DNAJC10: variants seen among roughly 807,000 people sequenced by gnomAD.
DNAJC10 encodes endoplasmic reticulum disulfide reductase DNAJC10.
Under a neutral mutation model 115.0 loss-of-function variants are expected in DNAJC10, and 101 were observed. The observed-to-expected ratio is 0.88, with a 90% CI of 0.75 to 1.04. The LOEUF (loss-of-function observed/expected upper bound fraction) is 1.04, where lower values mean the gene tolerates loss of function less well. Ranked by LOEUF, DNAJC10 falls within the 50% of genes least tolerant of loss-of-function variation. DNAJC10 has a pLI of 0.00. For synonymous variants in DNAJC10, 307 were observed against 301.5 expected (o/e 1.02, Z -0.19); for missense variants, 981 against 928.8 (o/e 1.06, Z -0.73).
At chr2:182,741,417 T>G (rs994395401) in intron 13 of DNAJC10, 61 bp downstream of exon 13, 1 of 743,468 alleles carries the variant, frequency 1.3e-6, no homozygotes, top group Admixed American at 3.6e-5. Context: ...ATTTAATGCA[T>G]ATAATTAAAT....
chr2:182,731,128 T>A lies in DNAJC10; in HGVS notation c.805+21T>A, dbSNP rs201330404. The A allele has an allele frequency of 2.1e-4, 333 of 1,573,396 alleles. 2 individuals are homozygous for A. In the African/African-American group the frequency reaches 4.1e-3, roughly 20 times the overall value. On this transcript the variant is annotated intron_variant, in intron 9 of 23. Coordinates refer to ENST00000264065, the MANE Select transcript of DNAJC10 (RefSeq NM_018981.4). ...AGGAGGTAATACTATTTTTTAATTT[T>A]GTTGGAATGAGAACATGACATTTAA...
At chr2:182,720,360 T>C (rs1406941942) in intron 4 of DNAJC10, among the ~76,000 whole-genome samples, 191 bp downstream of exon 4, 2 of 152,184 alleles carry the variant, frequency 1.3e-5, no homozygotes, top group Admixed American at 1.3e-4. Context: ...TATGAAGTTG[T>C]ATTGGTTAAA....
chr2:182,735,558 T>TA (rs1291673619), intron 10 of DNAJC10, among the ~76,000 whole-genome samples: 1 of 152,096 alleles, frequency 6.6e-6, no homozygotes, highest in Admixed American at 6.5e-5. Flanking sequence ...CACTGTAGGT[T>TA]AATATCTTTC....
chr2:182,754,657 T>A (rs965596673), intron 16 of DNAJC10: 1 of 565,666 alleles, frequency 1.8e-6, no homozygotes, highest in Non-Finnish European at 2.3e-6. Context: ...AGACTCAAGC[T>A]AGAGATATAG....
At chr2:182,740,217 C>T (rs1309548737) in intron 11 of DNAJC10, 82 bp from the exon 12 acceptor site, 3 of 1,186,044 alleles carry the variant, frequency 2.5e-6, no homozygotes, top group Non-Finnish European at 3.3e-6. Context: ...AAAAATACTA[C>T]ATTGGAAATT....
chr2:182,718,376 G>T, intron 3 of DNAJC10, 86 bp downstream of exon 3: 2 of 1,076,736 alleles, frequency 1.9e-6, no homozygotes, highest in Non-Finnish European at 2.6e-6. Context: ...ATGATCAAAT[G>T]CTTAAGAATA....
At chr2:182,732,429 A>G (rs1693474423) in intron 9 of DNAJC10, 70 bp from the exon 10 acceptor site, 1 of 1,447,250 alleles carries the variant, frequency 6.9e-7, no homozygotes, top group Non-Finnish European at 9.7e-7. Flanking sequence ...TTTGGGGGAA[A>G]GGCAAATGCA....
intron 22 of DNAJC10, among the ~76,000 whole-genome samples, chr2:182,765,527 C>T (rs1432266530): frequency 6.6e-6 from 1 of 152,160 alleles, no homozygotes; most frequent in Non-Finnish European, 1.5e-5. Context: ...CAGTTACCAC[C>T]AGATACTTAA....
At chr2:182,730,662 G>C (rs949628255) in intron 8 of DNAJC10, 1 of 384,908 alleles carries the variant, frequency 2.6e-6, no homozygotes, top group Non-Finnish European at 5.1e-6. Flanking sequence ...GGAGATCACT[G>C]TGTATTTGGG....
intron 22 of DNAJC10, among the ~76,000 whole-genome samples, chr2:182,769,572 A>T (rs896150135): frequency 6.6e-6 from 1 of 152,130 alleles, no homozygotes; most frequent in Non-Finnish European, 1.5e-5. Flanking sequence ...TTCTTTGATG[A>T]CCAGTGATGA....
intron 23 of DNAJC10, among the ~76,000 whole-genome samples, chr2:182,776,535 A>G (rs1435160739): frequency 6.6e-6 from 1 of 152,226 alleles, no homozygotes; most frequent in Non-Finnish European, 1.5e-5. Context: ...AGGACAAAAT[A>G]GCTCAGCCTC....
rs1404209980 is a variant in DNAJC10 at position 182,783,937 on chromosome 2, TTAAC to T, written c.*6809_*6812del. The T allele has an allele frequency of 1.3e-5, 2 of 152,296 alleles. No homozygotes were observed. Among genetic ancestry groups the T allele is most frequent in the Non-Finnish European group, 2.9e-5 (2 of 68,034 alleles). 9.4% of individuals were successfully genotyped at this position (152,296 alleles called of 1,614,324 possible). ...ACTTTGGAAAGTTAATTTGTATTAA[TTAAC>T]TAATATAAATTAATCCTATCAAGTT... On this transcript the variant is annotated 3_prime_UTR_variant, in exon 24 of 24. Transcript: ENST00000264065.
At chr2:182,743,808 C>A in intron 14 of DNAJC10, 96 bp downstream of exon 14, 1 of 798,616 alleles carries the variant, frequency 1.3e-6, no homozygotes. Context: ...TACGGACATG[C>A]TTATTGTAAA....
At position 182,762,697 on chromosome 2, in the gene DNAJC10, G is replaced by A. The variant is rs1367977631; in HGVS notation, c.2161G>A (p.Val721Met). 1 of 1,612,368 alleles carries A rather than the reference G, an allele frequency of 6.2e-7. No individual in the cohort carries two copies. The highest frequency in any genetic ancestry group is 1.3e-5 in the African/African-American group (1 of 74,954). ...TCTTTTTCAGATGATTAAAGGAAAA[G>A]TGAAAGCTGGAAAAGTAGACTGTCA... ...ELLARMIKGKVKAGKVDCQAY... is the reference protein window; with the variant it reads ...ELLARMIKGKMKAGKVDCQAY... The change falls in exon 22 of 24, where the codon GTG becomes ATG. Residue 721 changes from valine to methionine, a missense_variant. Physicochemically the swap from Val to Met is conservative, Grantham distance 21. Transcript: ENST00000264065.
chr2:182,745,154 GT>G (rs1693829336), intron 14 of DNAJC10, among the ~76,000 whole-genome samples: 1 of 152,178 alleles, frequency 6.6e-6, no homozygotes, highest in African/African-American at 2.4e-5. Context: ...AATCTCATCT[GT>G]TTTGCTCACT....
intron 14 of DNAJC10, 96 bp from the exon 15 acceptor site, chr2:182,751,562 A>G: frequency 1.5e-6 from 2 of 1,363,758 alleles, no homozygotes; most frequent in Non-Finnish European, 2.0e-6. Context: ...TTCATAATTT[A>G]TCTTCTTTAG....
Position 182,720,068 on chromosome 2 carries a change from A to G in DNAJC10, c.266A>G (p.Asp89Gly). 1.2e-6 allele frequency: 2 copies of G among 1,606,372 alleles called. No individual in the cohort carries two copies. The highest frequency in any genetic ancestry group is 1.7e-6 in the Non-Finnish European group (2 of 1,173,270). Reference protein sequence around the residue: ...KINRAYEVLKDEDLRKKYDKY... With the variant: ...KINRAYEVLKGEDLRKKYDKY... ...AATAGAGCATATGAAGTACTCAAAG[A>G]TGAAGATCTACGGAAAAAGTATGAC... The change falls in exon 4 of 24, where the codon GAT becomes GGT. Residue 89 changes from aspartate to glycine, a missense_variant. Physicochemically the swap from Asp to Gly is moderately conservative, Grantham distance 94. Transcript: ENST00000264065.
intron 22 of DNAJC10, among the ~76,000 whole-genome samples, chr2:182,770,546 G>C (rs559335145): frequency 6.6e-6 from 1 of 152,010 alleles, no homozygotes. Flanking sequence ...TTGTAAGTTG[G>C]ATTCCTAGGT....
At chr2:182,745,724 ATTTGAATTTTTTTTT>A (rs1693845617) in intron 14 of DNAJC10, among the ~76,000 whole-genome samples, 1 of 147,694 alleles carries the variant, frequency 6.8e-6, no homozygotes, top group Admixed American at 6.7e-5. Flanking sequence ...TTTTTTTTTT[ATTTGAATTTTTTTTT>A]AATTTATTAT....
Sources: gnomAD v4.1 joint callset for allele counts (sites outside exome capture counted in the v4.1 genomes callset) on GRCh38, gnomAD v4.1.1 for gene constraint, MANE v1.5 for transcripts, NCBI Gene and HGNC (gene_info 2026-07-23, HGNC 2026-07-21) for gene names.